ANK2: variants seen among roughly 807,000 people sequenced by gnomAD.
ANK2 encodes the protein ankyrin 2.
Under a neutral mutation model 360.5 loss-of-function variants are expected in ANK2, and 83 were observed. The observed-to-expected ratio is 0.23, with a 90% CI of 0.19 to 0.28. ANK2 has a LOEUF of 0.28. Among genes scored for constraint, ANK2 ranks in the 10% least tolerant of loss-of-function variants. The pLI, the probability that ANK2 is intolerant of heterozygous loss-of-function variation, is 1.00. For missense variants in ANK2, 4,201 were observed against 4,795.7 expected (o/e 0.88, Z 3.66); for synonymous variants, 1,740 against 1,759.5 (o/e 0.99, Z 0.28).
At chr4:112,881,770 G>C (rs1231128471) in intron 1 of ANK2, 2 of 726,018 alleles carry the variant, frequency 2.8e-6, no homozygotes, top group African/African-American at 3.5e-5. Context: ...TATTCAAACT[G>C]TTCAAAATAA....
chr4:113,187,211 G>C (rs995578953), intron 2 of ANK2, among the ~76,000 whole-genome samples: 3 of 152,178 alleles, frequency 2.0e-5, no homozygotes, highest in Non-Finnish European at 4.4e-5. Flanking sequence ...CTGCCCTTGG[G>C]AAAAAGAGAA....
At chr4:113,021,737 G>A in intron 2 of ANK2, among the ~76,000 whole-genome samples, 1 of 151,634 alleles carries the variant, frequency 6.6e-6, no homozygotes, top group Admixed American at 6.6e-5. Context: ...GTGTTTGTTA[G>A]TTAATTCGTG....
At chr4:113,105,009 T>C (rs942936464) in intron 1 of ANK2, among the ~76,000 whole-genome samples, 43 of 151,542 alleles carry the variant, frequency 2.8e-4, no homozygotes, top group African/African-American at 9.2e-4. Flanking sequence ...CTCCAGGAAA[T>C]AGGTGAGAAT....
intron 2 of ANK2, among the ~76,000 whole-genome samples, chr4:113,021,541 C>CATATATATATAT (rs57817594): frequency 2.5e-4 from 24 of 95,628 alleles, no homozygotes; most frequent in African/African-American, 6.5e-4. Context: ...CACACACAAA[C>CATATATATATAT]ATATATATAT....
In ANK2 at chr4:113,264,962, G is replaced by T. The variant is rs753839264; in HGVS notation, c.1452G>T (p.Leu484=). Residue 484 remains leucine (L), a synonymous_variant, in exon 14 of 46, where the codon CTG becomes CTT. Transcript: ENST00000357077. Reference sequence around the variant, plus strand: ...AGGTGGAAGTGGTCCGATGCCTCCTGAGAAATGGTGCCCTTGTTGATGCCA... The same window carrying T: ...AGGTGGAAGTGGTCCGATGCCTCCTTAGAAATGGTGCCCTTGTTGATGCCA... ...AGQVEVVRCL[L]RNGALVDARA... 1.0e-5 allele frequency: 16 copies of T among 1,567,234 alleles called. 1 individual carries two copies. The South Asian group carries it at 1.9e-4, about 18-fold the overall frequency.
intron 1 of ANK2, among the ~76,000 whole-genome samples, chr4:113,143,597 G>A (rs116641432): frequency 0.016 from 2,505 of 152,160 alleles, 72 homozygotes; most frequent in African/African-American, 0.058. Flanking sequence ...TGTGCGTGGG[G>A]GAGTGCATCT....
chr4:112,979,669 GA>G (rs1037676344), intron 2 of ANK2: 1 of 152,468 alleles, frequency 6.6e-6, no homozygotes, highest in African/African-American at 2.4e-5. Flanking sequence ...CTGAGCGACA[GA>G]ACAGTTATCA....
At chr4:112,761,535 G>C in the ANK2 span, among the ~76,000 whole-genome samples, 1 of 152,124 alleles carries the variant, frequency 6.6e-6, no homozygotes, top group Non-Finnish European at 1.5e-5. Context: ...CAGGAGAGTC[G>C]CTTGAACCAG....
chr4:113,088,036 T>A (rs1344879493), intron 1 of ANK2, among the ~76,000 whole-genome samples: 1 of 152,180 alleles, frequency 6.6e-6, no homozygotes, highest in Non-Finnish European at 1.5e-5. Flanking sequence ...AAAATGGAAG[T>A]GTTTCTAAAA....
chr4:112,863,986 A>G (rs2069203515), intron 1 of ANK2, among the ~76,000 whole-genome samples: 1 of 152,208 alleles, frequency 6.6e-6, no homozygotes, highest in Non-Finnish European at 1.5e-5. Flanking sequence ...AAAAGATGAT[A>G]CAGTCAGGAA....
chr4:113,248,415 G>T (rs752115420), intron 9 of ANK2, among the ~76,000 whole-genome samples: 2 of 152,040 alleles, frequency 1.3e-5, no homozygotes, highest in African/African-American at 4.8e-5. Flanking sequence ...TTGGCAGGAA[G>T]GTAAACTTTC....
the ANK2 span, among the ~76,000 whole-genome samples, chr4:112,736,668 C>G: frequency 2.6e-5 from 4 of 152,074 alleles, no homozygotes; most frequent in Non-Finnish European, 5.9e-5. Context: ...AATTTCCTTG[C>G]AATCACACTA....
intron 1 of ANK2, among the ~76,000 whole-genome samples, chr4:113,125,777 G>GAGTA (rs763242744): frequency 3.3e-5 from 5 of 152,122 alleles, no homozygotes; most frequent in African/African-American, 7.2e-5. Context: ...GTCGTAGACA[G>GAGTA]AGTACCTTTA....
intron 2 of ANK2, among the ~76,000 whole-genome samples, chr4:112,992,688 T>C (rs889146751): frequency 6.6e-6 from 1 of 152,198 alleles, no homozygotes; most frequent in African/African-American, 2.4e-5. Flanking sequence ...GTGTCTCGTC[T>C]TGTAAGGGCA....
At chr4:112,848,428 C>T (rs961434426) in intron 1 of ANK2, among the ~76,000 whole-genome samples, 22 of 152,230 alleles carry the variant, frequency 1.4e-4, no homozygotes, top group African/African-American at 4.1e-4. Flanking sequence ...TCCCAAAGTG[C>T]GGGGATTCTA....
At chr4:113,344,541 G>A (rs946307568) in intron 34 of ANK2, among the ~76,000 whole-genome samples, 4 of 152,088 alleles carry the variant, frequency 2.6e-5, no homozygotes, top group Admixed American at 6.6e-5. Context: ...TTTACTTCTC[G>A]ATGTACACCC....
chr4:113,250,547 T>C (rs1363384558), intron 10 of ANK2, among the ~76,000 whole-genome samples: 1 of 152,216 alleles, frequency 6.6e-6, no homozygotes, highest in Admixed American at 6.5e-5. Context: ...TTATCAAATG[T>C]ATTTTAAATG....
chr4:112,982,351 C>T (rs2043356454), intron 2 of ANK2, among the ~76,000 whole-genome samples: 1 of 151,982 alleles, frequency 6.6e-6, no homozygotes, highest in Admixed American at 6.6e-5. Flanking sequence ...GTAGAATTAT[C>T]AATACAAAGT....
intron 1 of ANK2, chr4:113,145,541 G>GC: frequency 1.0e-6 from 1 of 971,696 alleles, no homozygotes; most frequent in African/African-American, 1.7e-5. Flanking sequence ...AAACAACACC[G>GC]CCCCCTCCCC....
Sources: allele counts gnomAD v4.1 joint callset (sites outside exome capture counted in the v4.1 genomes callset), GRCh38; gene constraint gnomAD v4.1.1; transcripts MANE v1.5; gene names NCBI Gene and HGNC (gene_info 2026-07-23, HGNC 2026-07-21).